The following ZC3H18 variants were observed in gnomAD, a reference collection of about 807,000 sequenced individuals.
ZC3H18 encodes the protein zinc finger CCCH-type containing 18, also known as zinc finger CCCH domain-containing protein 18.
A neutral mutation model predicts 106.1 loss-of-function variants in ZC3H18; 8 were observed. That is an observed-to-expected ratio of 0.08 (90% CI 0.04 to 0.14). The LOEUF (loss-of-function observed/expected upper bound fraction) is 0.14, where lower values mean the gene tolerates loss of function less well. Among genes scored for constraint, ZC3H18 ranks in the 10% least tolerant of loss-of-function variants. The probability of loss-of-function intolerance (pLI) is 1.00; values close to 1 mark genes in which losing one functional copy is unlikely to be tolerated. For synonymous variants in ZC3H18, 635 were observed against 522.1 expected, an observed-to-expected ratio of 1.22 and a Z score of -2.95; for missense variants, 1,318 against 1,278.4, an observed-to-expected ratio of 1.03 and a Z score of -0.47.
intron 3 of ZC3H18, among the ~76,000 whole-genome samples, chr16:88,591,707 C>T (rs111892721): frequency 7.2e-5 from 11 of 152,358 alleles, no homozygotes; most frequent in African/African-American, 2.4e-4. Flanking sequence ...TGAACGTGGG[C>T]GTAAAAATCT....
At chr16:88,593,201 GC>G (rs1269974982) in intron 3 of ZC3H18, among the ~76,000 whole-genome samples, 1 of 152,110 alleles carries the variant, frequency 6.6e-6, no homozygotes, top group African/African-American at 2.4e-5. Context: ...TTAGCATTGG[GC>G]CCCCCTTGAC....
At chr16:88,606,006 C>G (rs1320492054) in intron 6 of ZC3H18, among the ~76,000 whole-genome samples, 1 of 152,232 alleles carries the variant, frequency 6.6e-6, no homozygotes, top group Non-Finnish European at 1.5e-5. Context: ...CGTGTGTGCA[C>G]AGGACACTGT....
At chr16:88,609,559 C>T (rs111868370) in intron 7 of ZC3H18, among the ~76,000 whole-genome samples, 15,115 of 151,880 alleles carry the variant, frequency 0.1, 923 homozygotes, top group African/African-American at 0.16. Flanking sequence ...GCTTTAGCCT[C>T]CCAGAGTGCT....
Position 88,625,187 on chromosome 16 carries a change from T to C in ZC3H18, c.2043-15T>C. 6.4e-7 allele frequency: 1 copy of C among 1,574,606 alleles called. No individual in the cohort carries two copies. The highest frequency in any genetic ancestry group is 1.2e-5 in the South Asian group (1 of 85,616). On this transcript the variant is annotated splice_polypyrimidine_tract_variant and intron_variant, in intron 12 of 17. Coordinates refer to ENST00000301011, the MANE Select transcript of ZC3H18 (RefSeq NM_144604.4). ...AGGCCACGCCCCCTGAGCCCCGCTG[T>C]TGCTTGTATTACAGGCGGACGCTAA...
At chr16:88,580,106 G>T (rs533852870) in intron 2 of ZC3H18, among the ~76,000 whole-genome samples, 1 of 151,778 alleles carries the variant, frequency 6.6e-6, no homozygotes, top group East Asian at 1.9e-4. Context: ...CAGCATTTGC[G>T]TAGGCTGTTT....
intron 3 of ZC3H18, among the ~76,000 whole-genome samples, chr16:88,590,509 A>AGAGGAG (rs1391132665): frequency 6.6e-6 from 1 of 151,332 alleles, no homozygotes; most frequent in African/African-American, 2.4e-5. Context: ...TTCTGTCCAC[A>AGAGGAG]GAGGAGTAAG....
chr16:88,580,158 G>T (rs980524974), intron 2 of ZC3H18, among the ~76,000 whole-genome samples: 8 of 25,234 alleles, frequency 3.2e-4, no homozygotes, highest in Non-Finnish European at 8.5e-4. Flanking sequence ...AGGTTCATCT[G>T]TGTGTGTGTG....
In ZC3H18 at chr16:88,578,707, T is replaced by C. The variant is rs143791539; in HGVS notation, c.603+981T>C. On this transcript the variant is annotated intron_variant, in intron 2 of 17. Coordinates refer to ENST00000301011, the MANE Select transcript of ZC3H18 (RefSeq NM_144604.4). ...GCCTTGAATGCCATGCTCCTTTTTT[T>C]TGAGAGAGAGAGTCTACCCTGTAAC... is the stretch of plus-strand genomic sequence containing the variant. Among the ~76,000 whole-genome samples, 175 of 152,182 alleles carry C rather than the reference T, an allele frequency of 1.1e-3. 1 individual carries two copies. In the East Asian group the frequency reaches 0.027, roughly 24 times the overall value.
chr16:88,601,071 C>T (rs1904725300), intron 6 of ZC3H18, among the ~76,000 whole-genome samples: 2 of 152,258 alleles, frequency 1.3e-5, no homozygotes, highest in Admixed American at 1.3e-4. Context: ...TTCTCAAGGC[C>T]TTCTTGCCGC....
rs181943020 is a variant in ZC3H18 at position 88,609,423 on chromosome 16, G to A, written c.1206+372G>A. 7.6e-4 allele frequency among the ~76,000 whole-genome samples: 116 copies of A among 151,986 alleles called. 1 individual carries two copies. Among genetic ancestry groups the A allele is most frequent in the Non-Finnish European group, 1.3e-3 (88 of 67,974 alleles). On this transcript the variant is annotated intron_variant, in intron 7 of 17. Transcript: ENST00000301011. ...AATGATTCTCCATCCTCAGCCTCCC[G>A]AGTAGCTGGGACCACACGCATGCAC...
chr16:88,630,557 A>C lies in ZC3H18; in HGVS notation c.2639A>C (p.Lys880Thr), dbSNP rs1455148471. 6.2e-7 allele frequency: 1 copy of C among 1,610,176 alleles called. No individual in the cohort carries two copies. Among genetic ancestry groups the C allele is most frequent in the East Asian group, 2.2e-5 (1 of 44,812 alleles). Residue 880 changes from lysine to threonine, a missense_variant, in exon 17 of 18, where the codon AAA becomes ACA. Around this residue, in one of 6 missense-constraint regions of ZC3H18, gnomAD observed 848 missense variants for 821.7 expected, o/e 1.03. Transcript: ENST00000301011. ...KPERQRGQNS[K>T]APAAPADRKR... ...GAGCGGCAGAGAGGCCAGAACTCCAAAGCCCCTGCAGCCCCGGCTGACAGG... is the reference window on the plus strand; with the variant it reads ...GAGCGGCAGAGAGGCCAGAACTCCACAGCCCCTGCAGCCCCGGCTGACAGG...
At chr16:88,572,299 C>G (rs897503510) in intron 1 of ZC3H18, among the ~76,000 whole-genome samples, 2 of 152,220 alleles carry the variant, frequency 1.3e-5, no homozygotes, top group Non-Finnish European at 2.9e-5. Context: ...AGCACCTGCT[C>G]TTTATTATTA....
chr16:88,620,045 C>T (rs1193062169), intron 8 of ZC3H18, among the ~76,000 whole-genome samples: 4 of 152,144 alleles, frequency 2.6e-5, no homozygotes, highest in East Asian at 1.9e-4. Context: ...GCTGTGATGT[C>T]GCGTGTCCGT....
chr16:88,616,156 C>T (rs183696541), intron 8 of ZC3H18, among the ~76,000 whole-genome samples: 41 of 152,342 alleles, frequency 2.7e-4, no homozygotes, highest in Admixed American at 2.1e-3. Flanking sequence ...GTCTTACATT[C>T]AGGAAGGGAC....
At chr16:88,598,387 C>T (rs1055590168) in intron 4 of ZC3H18, 61 bp downstream of exon 4, 2 of 1,551,386 alleles carry the variant, frequency 1.3e-6, no homozygotes, top group Admixed American at 4.1e-5. Flanking sequence ...GTCTGAATCT[C>T]AAGCTTAAGA....
At chr16:88,602,298 T>G (rs1904790319) in intron 6 of ZC3H18, among the ~76,000 whole-genome samples, 1 of 152,234 alleles carries the variant, frequency 6.6e-6, no homozygotes, top group Non-Finnish European at 1.5e-5. Context: ...AGCACTTATG[T>G]GTTGCAATCC....
intron 3 of ZC3H18, among the ~76,000 whole-genome samples, chr16:88,588,519 G>C (rs1915564964): frequency 6.6e-6 from 1 of 152,058 alleles, no homozygotes; most frequent in African/African-American, 2.4e-5. Context: ...CCTTCATTGG[G>C]AGATGCCTGG....
intron 8 of ZC3H18, among the ~76,000 whole-genome samples, chr16:88,620,929 A>C (rs1197623042): frequency 6.6e-6 from 1 of 152,150 alleles, no homozygotes; most frequent in East Asian, 1.9e-4. Context: ...GCAGTGGCGC[A>C]GTCTCAGCTC....
chr16:88,603,395 C>T lies in ZC3H18; in HGVS notation c.1088+3447C>T, dbSNP rs142376121. 1.5e-3 allele frequency among the ~76,000 whole-genome samples: 223 copies of T among 151,624 alleles called. 2 individuals carry two copies. Among genetic ancestry groups the T allele is most frequent in the African/African-American group, 5.3e-3 (221 of 41,466 alleles). ...CAGCACTTTGGGAGGCCAAAGCGGA[C>T]GGATTGCCTGAGCTCAAGAGTTTGA... On this transcript the variant is annotated intron_variant, in intron 6 of 17. Transcript: ENST00000301011.
Sources: gnomAD v4.1 joint callset for allele counts (sites outside exome capture counted in the v4.1 genomes callset) on GRCh38, gnomAD v4.1.1 for gene constraint, gnomAD v4.1.1 regional missense constraint, MANE v1.5 for transcripts, NCBI Gene and HGNC (gene_info 2026-07-23, HGNC 2026-07-21) for gene names.